The following LMNB1 variants were observed in gnomAD, a reference collection of about 807,000 sequenced individuals.
LMNB1 encodes the protein lamin B1.
In LMNB1, 23 loss-of-function variants were observed where a neutral mutation model predicts 67.1. That is an observed-to-expected ratio of 0.34 (90% CI 0.25 to 0.49). The LOEUF (loss-of-function observed/expected upper bound fraction) is 0.49. Ranked by LOEUF, LMNB1 falls within the 20% of genes least tolerant of loss-of-function variation. LMNB1 has a pLI of 0.99. For synonymous variants in LMNB1, 281 were observed against 282.9 expected (o/e 0.99, Z 0.07); for missense variants, 634 against 746.5 (o/e 0.85, Z 1.76).
At chr5:126,784,737 GCTCCACCT>G (rs1483051801) in intron 1 of LMNB1, among the ~76,000 whole-genome samples, 1 of 148,098 alleles carries the variant, frequency 6.8e-6, no homozygotes, top group Non-Finnish European at 1.5e-5. Context: ...CTCACTGCAA[GCTCCACCT>G]CCCGGGTTCA....
intron 8 of LMNB1, among the ~76,000 whole-genome samples, chr5:126,824,288 A>T (rs752914794): frequency 2.6e-4 from 39 of 152,276 alleles, no homozygotes; most frequent in Non-Finnish European, 5.6e-4. Context: ...AAAGTAAAAA[A>T]GAAAGACATG....
At chr5:126,798,296 A>C (rs935432218) in intron 1 of LMNB1, among the ~76,000 whole-genome samples, 1 of 151,892 alleles carries the variant, frequency 6.6e-6, no homozygotes, top group African/African-American at 2.4e-5. Context: ...AAAAATACAA[A>C]AAAATTAGCT....
intron 1 of LMNB1, among the ~76,000 whole-genome samples, chr5:126,797,307 G>A (rs1374077913): frequency 6.6e-6 from 1 of 152,128 alleles, no homozygotes; most frequent in African/African-American, 2.4e-5. Context: ...AAATGGGTAT[G>A]TTTTGTGACT....
intron 1 of LMNB1, among the ~76,000 whole-genome samples, chr5:126,803,670 T>G (rs1345493508): frequency 6.6e-6 from 1 of 152,020 alleles, no homozygotes; most frequent in East Asian, 1.9e-4. Context: ...CCTGAGCCTC[T>G]CGAGTAGGTG....
chr5:126,827,933 T>G (rs1042609887), intron 9 of LMNB1, among the ~76,000 whole-genome samples: 11 of 152,188 alleles, frequency 7.2e-5, no homozygotes, highest in Non-Finnish European at 1.6e-4. Flanking sequence ...CATCACATTG[T>G]TCTCACTCAC....
intron 3 of LMNB1, among the ~76,000 whole-genome samples, chr5:126,806,833 A>G (rs1357673677): frequency 6.6e-6 from 1 of 151,712 alleles, no homozygotes; most frequent in African/African-American, 2.4e-5. Flanking sequence ...GCTGGAATGC[A>G]GTGGCATGAT....
chr5:126,789,696 A>G (rs1055942736), intron 1 of LMNB1, among the ~76,000 whole-genome samples: 1 of 151,750 alleles, frequency 6.6e-6, no homozygotes, highest in Non-Finnish European at 1.5e-5. Context: ...TTTTTTGAGG[A>G]CGAGACTTGC....
chr5:126,831,404 T>C (rs534684751), intron 9 of LMNB1, among the ~76,000 whole-genome samples: 1 of 152,356 alleles, frequency 6.6e-6, no homozygotes, highest in Non-Finnish European at 1.5e-5. Context: ...CACAGGAAAG[T>C]AATCTGTATT....
chr5:126,809,754 CTGT>C (rs939868039), intron 3 of LMNB1, among the ~76,000 whole-genome samples: 2 of 152,174 alleles, frequency 1.3e-5, no homozygotes, highest in Admixed American at 6.5e-5. Context: ...TTTATCACAA[CTGT>C]TAAGTTTAAC....
rs1459172273 is a variant in LMNB1, at chr5:126,777,643, G to A, written c.135G>A (p.Val45=). 6.5e-7 allele frequency: 1 copy of A among 1,544,020 alleles called. No homozygotes were observed. Residue 45 remains valine, a synonymous_variant, in exon 1 of 11, where the codon GTG becomes GTA. Coordinates refer to ENST00000261366, the MANE Select transcript of LMNB1 (RefSeq NM_005573.4). The part of the protein sequence containing the change: ...ELRELNDRLA[V]YIDKVRSLET... ...GCGAGCTCAATGACCGGCTGGCGGT[G>A]TACATCGACAAGGTGCGCAGCCTGG...
intron 7 of LMNB1, among the ~76,000 whole-genome samples, chr5:126,821,989 T>A (rs1330430313): frequency 2.0e-5 from 3 of 150,756 alleles, no homozygotes; most frequent in Non-Finnish European, 4.4e-5. Flanking sequence ...CTAAAGAGAA[T>A]AGGCTCTAAG....
At chr5:126,785,985 G>T (rs1424915056) in intron 1 of LMNB1, among the ~76,000 whole-genome samples, 1 of 151,364 alleles carries the variant, frequency 6.6e-6, no homozygotes, top group Non-Finnish European at 1.5e-5. Flanking sequence ...CTGCACTCCA[G>T]CCTGAGTGAC....
rs577615841 is a variant in LMNB1 at position 126,786,026 on chromosome 5, A to G, written c.359+8159A>G. ...AAGACTCCCTTTGGGGGGTGGGGGAAAAGATGCAGGAAAAAAAAAAGCTGA... is the reference window on the plus strand; with the variant it reads ...AAGACTCCCTTTGGGGGGTGGGGGAGAAGATGCAGGAAAAAAAAAAGCTGA... On this transcript the variant is annotated intron_variant, in intron 1 of 10. Transcript: ENST00000261366. 4.6e-5 allele frequency among the ~76,000 whole-genome samples: 7 copies of G among 151,786 alleles called. No individual in the cohort carries two copies. The East Asian group carries it at 1.4e-3, about 30-fold the overall frequency.
At chr5:126,823,628 A>G (rs1460845815) in intron 8 of LMNB1, among the ~76,000 whole-genome samples, 1 of 152,186 alleles carries the variant, frequency 6.6e-6, no homozygotes, top group Non-Finnish European at 1.5e-5. Context: ...TTCCTTTTAT[A>G]TATTCTTTAA....
intron 5 of LMNB1, among the ~76,000 whole-genome samples, chr5:126,812,432 A>G (rs1751600972): frequency 6.6e-6 from 1 of 152,228 alleles, no homozygotes; most frequent in South Asian, 2.1e-4. Context: ...TGGTACGCCT[A>G]AGTGACAAAT....
At chr5:126,807,987 T>C (rs913032665) in intron 3 of LMNB1, among the ~76,000 whole-genome samples, 1 of 151,990 alleles carries the variant, frequency 6.6e-6, no homozygotes, top group Non-Finnish European at 1.5e-5. Context: ...TTCTTCTGCT[T>C]CAGCCTCTGG....
intron 10 of LMNB1, 130 bp from the exon 11 acceptor site, chr5:126,836,093 G>C: frequency 1.5e-6 from 1 of 689,598 alleles, no homozygotes. Context: ...AAAGATGAGA[G>C]ATGATAAAGG....
At chr5:126,821,186 T>G in intron 7 of LMNB1, 51 bp downstream of exon 7, 5 of 1,212,224 alleles carry the variant, frequency 4.1e-6, no homozygotes, top group Non-Finnish European at 6.1e-6. Flanking sequence ...GATTGCTAGA[T>G]TCTCTTGCAA....
chr5:126,819,154 A>C lies in LMNB1; in HGVS notation c.1160+12A>C. 1.3e-6 allele frequency: 2 copies of C among 1,593,956 alleles called. 1 individual carries two copies. Among genetic ancestry groups the C allele is most frequent in the South Asian group, 2.2e-5 (2 of 90,328 alleles). On this transcript the variant is annotated intron_variant, in intron 6 of 10. Coordinates refer to ENST00000261366, the MANE Select transcript of LMNB1 (RefSeq NM_005573.4). ...GGCGAAGAAGAGAGGTAAGGAACTT[A>C]AGGGTCACCCTACCTTATGGTCCAC...
Sources: gnomAD v4.1 joint callset for allele counts (sites outside exome capture counted in the v4.1 genomes callset) on GRCh38, gnomAD v4.1.1 for gene constraint, MANE v1.5 for transcripts, NCBI Gene and HGNC (gene_info 2026-07-23, HGNC 2026-07-21) for gene names.